AP2M1: variants seen among roughly 807,000 people sequenced by gnomAD.
AP2M1 encodes AP-2 complex subunit mu.
AP2M1 carries 5 observed loss-of-function variants against 54.5 expected under a neutral mutation model. That is an observed-to-expected ratio of 0.09 (90% CI 0.05 to 0.19). The LOEUF is 0.19. Among genes scored for constraint, AP2M1 ranks in the 10% least tolerant of loss-of-function variants. The pLI is 1.00. For missense variants in AP2M1, 178 were observed against 580.2 expected (o/e 0.31, Z 7.12); for synonymous variants, 186 against 208.2 (o/e 0.89, Z 0.92).
chr3:184,183,779 C>G lies in AP2M1; in HGVS notation c.*163C>G, dbSNP rs1420358300. The stretch of plus-strand genomic sequence containing the variant: ...TGGGCCAAGCACATTACAAGTGGGA[C>G]CGGTGGAGCAGCCCCTGGGCTCCCT... On this transcript the variant is annotated 3_prime_UTR_variant, in exon 12 of 12. Coordinates refer to ENST00000292807, the MANE Select transcript of AP2M1 (RefSeq NM_004068.4). The surrounding 1 kb of genome is among the most constrained non-coding windows in gnomAD (Gnocchi z 5.7). The G allele has an allele frequency of 1.2e-6, 1 of 812,784 alleles. No individual in the cohort carries two copies. The highest frequency in any genetic ancestry group is 1.9e-6 in the Non-Finnish European group (1 of 531,880). The allele number at this position is 812,784 out of a possible 1,614,324, so 50.3% of individuals were successfully genotyped here.
chr3:184,179,662 C>CTTTTTTTTT (rs368749437), intron 3 of AP2M1, among the ~76,000 whole-genome samples: 1 of 135,104 alleles, frequency 7.4e-6, no homozygotes, highest in Non-Finnish European at 1.6e-5. Context: ...GATTTCTTTT[C>CTTTTTTTTT]TTTTTTTTTT....
chr3:184,177,147 C>T lies in AP2M1; in HGVS notation c.74+80C>T, dbSNP rs1715101258. 3 of 1,435,282 alleles carry T rather than the reference C, an allele frequency of 2.1e-6. 1 individual carries two copies. The Middle Eastern group carries it at 6.0e-4, about 287-fold the overall frequency. The allele number at this position is 1,435,282 out of a possible 1,614,324, so 88.9% of individuals were successfully genotyped here. A position where few individuals can be genotyped will look rare whatever the true frequency, so the allele number is the denominator to read the frequency against. ...GCATACAGGATTAGGTCTTTTCCCA[C>T]CATTGGCTTGACTTGGGCCACCCTG... is the stretch of plus-strand genomic sequence containing the variant. On this transcript the variant is annotated intron_variant, in intron 2 of 11. Transcript: ENST00000292807.
Position 184,180,810 on chromosome 3 carries a change from G to A in AP2M1, c.430-39G>A, listed in dbSNP as rs1030795496. Reference sequence around the variant, plus strand: ...GAGACAGGATGATTAAAGGGACAGAGGAGTGAGGCCATTGCTGTTTGTTTC... The same window carrying A: ...GAGACAGGATGATTAAAGGGACAGAAGAGTGAGGCCATTGCTGTTTGTTTC... On this transcript the variant is annotated intron_variant, in intron 5 of 11. Transcript: ENST00000292807. This position sits in a 1 kb window ranked among gnomAD's most constrained non-coding sequence, Gnocchi z 4.9. 22 of 1,614,218 alleles carry A rather than the reference G, an allele frequency of 1.4e-5. No individual in the cohort carries two copies. The highest frequency in any genetic ancestry group is 8.8e-5 in the South Asian group (8 of 91,070).
intron 1 of AP2M1, 102 bp from the exon 2 acceptor site, chr3:184,176,849 A>AG: frequency 1.3e-6 from 1 of 748,976 alleles, no homozygotes; most frequent in Non-Finnish European, 2.1e-6. Flanking sequence ...CACTTACTAA[A>AG]GGGTTGAGTC....
chr3:184,178,711 C>G lies in AP2M1; in HGVS notation c.75-146C>G. ...GGGAGTCATAAGAAGGGAACCACTC[C>G]AGTGGTTTAGGCATTGGCTTTCTTT... On this transcript the variant is annotated intron_variant, in intron 2 of 11. Transcript: ENST00000292807. The surrounding 1 kb of genome is among the most constrained non-coding windows in gnomAD (Gnocchi z 4.9). 9.7e-7 allele frequency: 1 copy of G among 1,031,144 alleles called. No homozygotes were observed. Among genetic ancestry groups the G allele is most frequent in the Non-Finnish European group, 1.4e-6 (1 of 715,364 alleles). The allele number at this position is 1,031,144 out of a possible 1,614,324, so 63.9% of individuals were successfully genotyped here.
At chr3:184,177,612 G>T (rs755297968) in intron 2 of AP2M1, 1 of 1,535,880 alleles carries the variant, frequency 6.5e-7, no homozygotes, top group Non-Finnish European at 8.7e-7. Context: ...GGCTGGAAGC[G>T]TGAGGCACTC....
chr3:184,176,787 A>G, intron 1 of AP2M1, 164 bp from the exon 2 acceptor site: 1 of 539,252 alleles, frequency 1.9e-6, no homozygotes. Flanking sequence ...TGGAATAAAC[A>G]GGAACTGGAG....
Position 184,176,924 on chromosome 3 carries a change from CT to C in AP2M1, c.-43-23del, listed in dbSNP as rs1715092006. On this transcript the variant is annotated intron_variant, in intron 1 of 11. Transcript: ENST00000292807. ...ATGTTGGCAGCGATTCTGAGGTCTT[CT>C]TTTACCCTGCCCCCGCCTGTCCTAG... 6.5e-6 allele frequency: 10 copies of C among 1,535,446 alleles called. No homozygotes were observed. In the South Asian group the frequency reaches 7.2e-5, roughly 11 times the overall value.
intron 2 of AP2M1, chr3:184,177,807 C>T (rs1469672214): frequency 1.2e-5 from 7 of 602,998 alleles, no homozygotes; most frequent in Non-Finnish European, 1.5e-5. Context: ...GAGTAGGCTC[C>T]TCTGGTTCCT....
chr3:184,180,807 A>G lies in AP2M1; in HGVS notation c.430-42A>G, dbSNP rs1226263621. 2 of 1,614,270 alleles carry G rather than the reference A, an allele frequency of 1.2e-6. No individual in the cohort carries two copies. The highest frequency in any genetic ancestry group is 3.3e-5 in the Admixed American group (2 of 60,036). ...ATAGAGACAGGATGATTAAAGGGAC[A>G]GAGGAGTGAGGCCATTGCTGTTTGT... On this transcript the variant is annotated intron_variant, in intron 5 of 11. Coordinates refer to ENST00000292807, the MANE Select transcript of AP2M1 (RefSeq NM_004068.4). The surrounding 1 kb of genome is among the most constrained non-coding windows in gnomAD (Gnocchi z 4.9).
At chr3:184,176,749 T>C in intron 1 of AP2M1, 1 of 491,628 alleles carries the variant, frequency 2.0e-6, no homozygotes, top group Non-Finnish European at 3.6e-6. Flanking sequence ...GGGCCTAATC[T>C]CTCTCTGTTT....
Position 184,183,440 on chromosome 3 carries a change from G to GT in AP2M1, c.1174-41dup. On this transcript the variant is annotated intron_variant, in intron 11 of 11. Coordinates refer to ENST00000292807, the MANE Select transcript of AP2M1 (RefSeq NM_004068.4). This position sits in a 1 kb window ranked among gnomAD's most constrained non-coding sequence, Gnocchi z 5.7. ...CGGGACTTCCCAGAGGAGAGCGGCT[G>GT]TAAGAGGAAGGCCACATTTCTAACT... The GT allele has an allele frequency of 6.2e-7, 1 of 1,612,556 alleles. No individual in the cohort carries two copies. Among genetic ancestry groups the GT allele is most frequent in the Non-Finnish European group, 8.5e-7 (1 of 1,179,302 alleles).
chr3:184,179,983 A>G (rs754021200), intron 3 of AP2M1, 186 bp from the exon 4 acceptor site: 14 of 636,064 alleles, frequency 2.2e-5, no homozygotes, highest in Non-Finnish European at 3.3e-5. Context: ...TTTGAAAAAA[A>G]TCAAACATTT....
At chr3:184,176,299 G>C (rs1715070745) in intron 1 of AP2M1, among the ~76,000 whole-genome samples, 1 of 152,160 alleles carries the variant, frequency 6.6e-6, no homozygotes, top group African/African-American at 2.4e-5. Context: ...CCAGCCCTAG[G>C]ACCTTCCTCC....
In AP2M1 at chr3:184,178,338, G is replaced by C; in HGVS notation, c.75-519G>C. The C allele has an allele frequency of 2.3e-6, 3 of 1,325,114 alleles. No individual in the cohort carries two copies. The highest frequency in any genetic ancestry group is 2.5e-5 in the East Asian group (1 of 39,938). The allele number at this position is 1,325,114 out of a possible 1,614,324, so 82.1% of individuals were successfully genotyped here. ...TGCTCTGGAGTTGGATCCTGGGCAAGAATGGGTAGCACAATTCCATGGCCC... is the reference window on the plus strand; with the variant it reads ...TGCTCTGGAGTTGGATCCTGGGCAACAATGGGTAGCACAATTCCATGGCCC... On this transcript the variant is annotated intron_variant, in intron 2 of 11. Coordinates refer to ENST00000292807, the MANE Select transcript of AP2M1 (RefSeq NM_004068.4). This position sits in a 1 kb window ranked among gnomAD's most constrained non-coding sequence, Gnocchi z 4.9.
intron 2 of AP2M1, chr3:184,177,433 T>C: frequency 2.0e-6 from 2 of 1,019,276 alleles, no homozygotes; most frequent in Admixed American, 2.2e-5. Context: ...CTGGAGGCAC[T>C]AATCCATCTA....
rs995047292 is a variant in AP2M1 at position 184,180,718 on chromosome 3, C to T, written c.429+68C>T. The T allele has an allele frequency of 1.2e-6, 2 of 1,614,130 alleles. No individual in the cohort carries two copies. Among genetic ancestry groups the T allele is most frequent in the Non-Finnish European group, 1.7e-6 (2 of 1,179,996 alleles). On this transcript the variant is annotated intron_variant, in intron 5 of 11. Transcript: ENST00000292807. This position sits in a 1 kb window ranked among gnomAD's most constrained non-coding sequence, Gnocchi z 4.9. ...TTTCTCCAGGCCCTGCCCTTTGGGGCTTATAGGGGAAAATGGATTACAGGT... is the reference window on the plus strand; with the variant it reads ...TTTCTCCAGGCCCTGCCCTTTGGGGTTTATAGGGGAAAATGGATTACAGGT...
Position 184,180,440 on chromosome 3 carries a change from G to A in AP2M1, c.423+189G>A. ...TCCCACTGCAGGAGCAGCCAATTCA[G>A]CATCTCTATTACCAGGAATACAGCT... is the stretch of plus-strand genomic sequence containing the variant. On this transcript the variant is annotated intron_variant, in intron 4 of 11. Coordinates refer to ENST00000292807, the MANE Select transcript of AP2M1 (RefSeq NM_004068.4). This position sits in a 1 kb window ranked among gnomAD's most constrained non-coding sequence, Gnocchi z 4.9. 9.6e-7 allele frequency: 1 copy of A among 1,042,146 alleles called. No homozygotes were observed. The highest frequency in any genetic ancestry group is 1.4e-6 in the Non-Finnish European group (1 of 714,780). 64.6% of individuals were successfully genotyped at this position (1,042,146 alleles called of 1,614,324 possible).
rs1454635163 is a variant in AP2M1 at position 184,183,084 on chromosome 3, A to G, written c.1173+216A>G. ...TCTTTTACTTCTCTCGGCTTGTCCT[A>G]ACACAGTTCTTTCAAAAAACTTAGA... On this transcript the variant is annotated intron_variant, in intron 11 of 11. Coordinates refer to ENST00000292807, the MANE Select transcript of AP2M1 (RefSeq NM_004068.4). The surrounding 1 kb of genome is among the most constrained non-coding windows in gnomAD (Gnocchi z 5.7). 2 of 601,454 alleles carry G rather than the reference A, an allele frequency of 3.3e-6. No individual in the cohort carries two copies. Among genetic ancestry groups the G allele is most frequent in the Non-Finnish European group, 5.9e-6 (2 of 336,340 alleles). 37.3% of individuals were successfully genotyped at this position (601,454 alleles called of 1,614,324 possible). A position where few individuals can be genotyped will look rare whatever the true frequency, so the allele number is the denominator to read the frequency against.
Sources: gnomAD v4.1 joint callset for allele counts (sites outside exome capture counted in the v4.1 genomes callset) on GRCh38, gnomAD v4.1.1 for gene constraint, Gnocchi (gnomAD v3.1) non-coding constraint, MANE v1.5 for transcripts, NCBI Gene and HGNC (gene_info 2026-07-23, HGNC 2026-07-21) for gene names.